GRIA3: variants seen among roughly 807,000 people sequenced by gnomAD.
GRIA3 encodes glutamate ionotropic receptor AMPA type subunit 3.
In GRIA3, 3 loss-of-function variants were observed where a neutral mutation model predicts 63.0. The observed-to-expected ratio is 0.05, with a 90% CI of 0.02 to 0.12. The LOEUF (loss-of-function observed/expected upper bound fraction) is 0.12. Ranked by LOEUF, GRIA3 falls within the 10% of genes least tolerant of loss-of-function variation. GRIA3 has a pLI of 1.00. For synonymous variants in GRIA3, 274 were observed against 257.9 expected (o/e 1.06, Z -0.60); for missense variants, 347 against 700.9 (o/e 0.50, Z 5.70).
intron 3 of GRIA3, among the ~76,000 whole-genome samples, chrX:123,309,332 A>C: frequency 9.4e-6 from 1 of 105,909 alleles, no homozygotes; most frequent in East Asian, 3.0e-4. Flanking sequence ...GTGCCACTGC[A>C]CTCCAGCCTG....
Position 123,490,116 on chromosome X carries a change from G to A in GRIA3, c.*1406G>A, listed in dbSNP as rs1207747652. 1 of 112,352 alleles carries A rather than the reference G, an allele frequency of 8.9e-6. No homozygotes were observed. The highest frequency in any genetic ancestry group is 1.9e-5 in the Non-Finnish European group (1 of 53,265). 9.3% of individuals were successfully genotyped at this position (112,352 alleles called of 1,213,427 possible). A position where few individuals can be genotyped will look rare whatever the true frequency, so the allele number is the denominator to read the frequency against. Reference sequence around the variant, plus strand: ...TCCTATATAACGACGTATGCTTCCTGTAGTTCAGTAGTTTGCTCTCATCGA... The same window carrying A: ...TCCTATATAACGACGTATGCTTCCTATAGTTCAGTAGTTTGCTCTCATCGA... On this transcript the variant is annotated 3_prime_UTR_variant, in exon 16 of 16. Coordinates refer to ENST00000620443, the MANE Select transcript of GRIA3 (RefSeq NM_007325.5).
At chrX:123,224,547 C>G (rs1299044765) in intron 2 of GRIA3, among the ~76,000 whole-genome samples, 1 of 111,430 alleles carries the variant, frequency 9.0e-6, no homozygotes, top group Non-Finnish European at 1.9e-5. Flanking sequence ...AGATATATAT[C>G]TGACATTTCC....
intron 2 of GRIA3, among the ~76,000 whole-genome samples, chrX:123,225,831 C>A (rs928652075): frequency 1.8e-5 from 2 of 110,810 alleles, no homozygotes; most frequent in East Asian, 5.7e-4. Flanking sequence ...CATTCTAAAC[C>A]CCCTCTACCA....
chrX:123,442,628 T>G (rs2045681438), intron 12 of GRIA3, among the ~76,000 whole-genome samples: 1 of 111,655 alleles, frequency 9.0e-6, no homozygotes, highest in African/African-American at 3.3e-5. Flanking sequence ...ACTCGACCAG[T>G]GTTTTCCAAC....
intron 15 of GRIA3, among the ~76,000 whole-genome samples, chrX:123,483,854 C>A (rs6655771): frequency 3.6e-4 from 40 of 110,562 alleles, no homozygotes; most frequent in African/African-American, 1.3e-3. Flanking sequence ...ATGGCGTGAA[C>A]CTGGGAGGTG....
intron 5 of GRIA3, among the ~76,000 whole-genome samples, chrX:123,386,712 G>A (rs1318375201): frequency 2.7e-5 from 3 of 111,738 alleles, no homozygotes; most frequent in Non-Finnish European, 5.7e-5. Context: ...TATTGAAGAG[G>A]GTGCCCTTTC....
At chrX:123,203,816 T>C in intron 2 of GRIA3, among the ~76,000 whole-genome samples, 1 of 111,923 alleles carries the variant, frequency 8.9e-6, no homozygotes, top group Middle Eastern at 4.6e-3. Context: ...CTAGCCCGGG[T>C]TAGAATTCTG....
At chrX:123,373,894 G>C (rs753117551) in intron 5 of GRIA3, among the ~76,000 whole-genome samples, 16 of 111,473 alleles carry the variant, frequency 1.4e-4, no homozygotes, top group South Asian at 1.1e-3. Flanking sequence ...CTTTCGTTGC[G>C]ATTGCTTTTG....
At chrX:123,224,099 A>G (rs2044232647) in intron 2 of GRIA3, among the ~76,000 whole-genome samples, 1 of 111,869 alleles carries the variant, frequency 8.9e-6, no homozygotes. Flanking sequence ...TGGCACATCT[A>G]TAACTATTTG....
chrX:123,397,430 T>G (rs1229327576), intron 6 of GRIA3, among the ~76,000 whole-genome samples: 2 of 112,123 alleles, frequency 1.8e-5, no homozygotes, highest in African/African-American at 6.5e-5. Flanking sequence ...AGAAACTGAA[T>G]AAAGCAAAAA....
At chrX:123,461,673 C>A (rs1456561802) in intron 12 of GRIA3, among the ~76,000 whole-genome samples, 1 of 110,668 alleles carries the variant, frequency 9.0e-6, no homozygotes, top group East Asian at 2.8e-4. Context: ...AATGAAGTAA[C>A]TTGATTAAGT....
chrX:123,465,387 G>A (rs1981450754), intron 13 of GRIA3, among the ~76,000 whole-genome samples: 1 of 111,210 alleles, frequency 9.0e-6, no homozygotes, highest in African/African-American at 3.3e-5. Context: ...AATGGTAAAA[G>A]CCAAGTTATG....
intron 6 of GRIA3, among the ~76,000 whole-genome samples, chrX:123,395,960 T>C (rs1301667514): frequency 9.1e-6 from 1 of 110,315 alleles, no homozygotes; most frequent in African/African-American, 3.3e-5. Flanking sequence ...GTCAAGACCC[T>C]TTCCTAGAAA....
At chrX:123,464,029 A>G (rs2045821799) in intron 12 of GRIA3, among the ~76,000 whole-genome samples, 1 of 111,280 alleles carries the variant, frequency 9.0e-6, no homozygotes. Context: ...GAGTTCTGGA[A>G]ACAATATCAG....
intron 5 of GRIA3, among the ~76,000 whole-genome samples, chrX:123,373,307 A>G (rs1017546934): frequency 3.6e-5 from 4 of 111,723 alleles, no homozygotes; most frequent in African/African-American, 1.3e-4. Flanking sequence ...GCTACTGTGA[A>G]TAGTGCCACA....
chrX:123,399,504 A>G (rs2045433489), intron 7 of GRIA3, among the ~76,000 whole-genome samples: 1 of 112,258 alleles, frequency 8.9e-6, no homozygotes, highest in Non-Finnish European at 1.9e-5. Context: ...ATGTCCTTTG[A>G]ACAGATTTCA....
intron 5 of GRIA3, among the ~76,000 whole-genome samples, chrX:123,375,277 G>A (rs967020692): frequency 2.7e-5 from 3 of 111,674 alleles, no homozygotes; most frequent in Non-Finnish European, 5.7e-5. Context: ...TGCATCCCTG[G>A]GATAAATCCC....
intron 5 of GRIA3, among the ~76,000 whole-genome samples, chrX:123,369,053 A>G (rs1021429832): frequency 2.8e-4 from 31 of 111,027 alleles, no homozygotes; most frequent in Middle Eastern, 4.7e-3. Context: ...AAAAAAGCAA[A>G]AAGGAGCCAC....
At chrX:123,449,317 C>T (rs1310951128) in intron 12 of GRIA3, among the ~76,000 whole-genome samples, 1 of 112,398 alleles carries the variant, frequency 8.9e-6, no homozygotes. Context: ...TATCTGACTA[C>T]TTCTCTAATG....
Sources: allele counts gnomAD v4.1 joint callset (sites outside exome capture counted in the v4.1 genomes callset), GRCh38; gene constraint gnomAD v4.1.1; transcripts MANE v1.5; gene names NCBI Gene and HGNC (gene_info 2026-07-23, HGNC 2026-07-21).